Variants in CHD3 observed in about 807,000 individuals in gnomAD.
CHD3 encodes the protein chromodomain helicase DNA binding protein 3.
A neutral mutation model predicts 248.9 loss-of-function variants in CHD3; 52 were observed. The observed-to-expected ratio is 0.21, with a 90% CI of 0.17 to 0.26. CHD3 has a LOEUF of 0.26. Among genes scored for constraint, CHD3 ranks in the 10% least tolerant of loss-of-function variants. The pLI is 1.00. For synonymous variants in CHD3, 985 were observed against 985.2 expected (o/e 1.00, Z 0.00); for missense variants, 1,482 against 2,605.8 (o/e 0.57, Z 9.39).
chr17:7,910,534 C>T lies in CHD3; in HGVS notation c.5697C>T (p.Ser1899=). 1.2e-6 allele frequency: 2 copies of T among 1,613,422 alleles called. No individual in the cohort carries two copies. Among genetic ancestry groups the T allele is most frequent in the Non-Finnish European group, 1.7e-6 (2 of 1,180,028 alleles). ...IPPIAARLQM[S]ERSILSRLAS... ...CCATCGCAGCCCGCCTTCAGATGTCCGAGCGCAGCATCCTCAGCCGGCTGG... is the reference window on the plus strand; with the variant it reads ...CCATCGCAGCCCGCCTTCAGATGTCTGAGCGCAGCATCCTCAGCCGGCTGG... The change falls in exon 38 of 40, where the codon TCC becomes TCT. Residue 1899 remains serine, a synonymous_variant. Transcript: ENST00000330494. The surrounding 1 kb of genome is among the most constrained non-coding windows in gnomAD (Gnocchi z 4.7).
Position 7,909,479 on chromosome 17 carries a change from C to T in CHD3, c.5590+141C>T, listed in dbSNP as rs888734019. The stretch of plus-strand genomic sequence containing the variant: ...CTCTGACCTCTAACCCCACTCCTAC[C>T]GACCTGGCACCCCCTTGGATTTTAG... On this transcript the variant is annotated intron_variant, in intron 37 of 39. Transcript: ENST00000330494. The surrounding 1 kb of genome is among the most constrained non-coding windows in gnomAD (Gnocchi z 8.1). The T allele has an allele frequency of 5.7e-6, 7 of 1,218,188 alleles. No homozygotes were observed. Among genetic ancestry groups the T allele is most frequent in the African/African-American group, 3.1e-5 (2 of 64,428 alleles). The allele number at this position is 1,218,188 out of a possible 1,614,324, so 75.5% of individuals were successfully genotyped here.
At chr17:7,890,850 G>C (rs1290463962) in intron 3 of CHD3, 90 bp from the exon 4 acceptor site, 1 of 1,591,020 alleles carries the variant, frequency 6.3e-7, no homozygotes, top group East Asian at 2.2e-5. Context: ...AGAAAGCCCA[G>C]GGAAGCTAGT....
In CHD3 at chr17:7,908,060, C is replaced by A; in HGVS notation, c.5152+41C>A. On this transcript the variant is annotated intron_variant, in intron 34 of 39. Transcript: ENST00000330494. The surrounding 1 kb of genome is among the most constrained non-coding windows in gnomAD (Gnocchi z 5.8). The stretch of plus-strand genomic sequence containing the variant: ...GCTGCTTTCTGCTCCTCAAGGGGAT[C>A]TGCTCATCCTCATGGGGTTTCTCGT... 1 of 1,553,742 alleles carries A rather than the reference C, an allele frequency of 6.4e-7. No individual in the cohort carries two copies. The highest frequency in any genetic ancestry group is 8.7e-7 in the Non-Finnish European group (1 of 1,146,906).
rs943772347 is a variant in CHD3, at chr17:7,890,442, G to A, written c.214-129G>A. ...AGACTCCATCTCCAAAAAAAAAAAG[G>A]AGATAAAAAATTAGTTACTATCACA... On this transcript the variant is annotated intron_variant, in intron 2 of 39. Transcript: ENST00000330494. 1.2e-5 allele frequency: 8 copies of A among 676,072 alleles called. No homozygotes were observed. In the Admixed American group the frequency reaches 2.4e-4, roughly 21 times the overall value. The allele number at this position is 676,072 out of a possible 1,614,324, so 41.9% of individuals were successfully genotyped here. A position where few individuals can be genotyped will look rare whatever the true frequency, so the allele number is the denominator to read the frequency against.
upstream of CHD3, chr17:7,885,046 GCCA>G: frequency 2.9e-6 from 3 of 1,049,086 alleles, no homozygotes; most frequent in Non-Finnish European, 3.4e-6. Flanking sequence ...CGCCGCCGCC[GCCA>G]CCGCTGCCCC....
At position 7,903,439 on chromosome 17, in the gene CHD3, C is replaced by G. The variant is rs1471307708; in HGVS notation, c.3663C>G (p.Ser1221=). ...TGGGCTCCAAGGCAGGCTCCATGTC[C>G]AAGCAGGAGCTTGACGACATTCTCA... ...PGLGSKAGSM[S]KQELDDILKF... is the part of the protein sequence containing the mutation. Residue 1221 remains serine, a synonymous_variant, in exon 23 of 40, where the codon TCC becomes TCG. Transcript: ENST00000330494. This position sits in a 1 kb window ranked among gnomAD's most constrained non-coding sequence, Gnocchi z 6.8. The G allele has an allele frequency of 6.2e-7, 1 of 1,614,190 alleles. No homozygotes were observed. The highest frequency in any genetic ancestry group is 1.1e-5 in the South Asian group (1 of 91,080).
upstream of CHD3, among the ~76,000 whole-genome samples, chr17:7,887,922 C>T (rs147683463): frequency 2.1e-3 from 317 of 152,362 alleles, 1 homozygote; most frequent in Non-Finnish European, 4.2e-3. Flanking sequence ...CCACCGACGC[C>T]TGCCCAAGTT....
In CHD3 at chr17:7,903,365, G is replaced by A; in HGVS notation, c.3589G>A (p.Val1197Met). 1 of 1,614,186 alleles carries A rather than the reference G, an allele frequency of 6.2e-7. No individual in the cohort carries two copies. Among genetic ancestry groups the A allele is most frequent in the Non-Finnish European group, 8.5e-7 (1 of 1,180,036 alleles). The change falls in exon 23 of 40, where the codon GTG (valine) becomes ATG (methionine). Residue 1197 changes from valine (V) to methionine (M), a missense_variant. Physicochemically the swap from Val to Met is conservative, Grantham distance 21. Transcript: ENST00000330494. The surrounding 1 kb of genome is among the most constrained non-coding windows in gnomAD (Gnocchi z 6.8). ...RASVEERITQ[V>M]AKRKMMLTHL... is the part of the protein sequence containing the mutation. ...GTCAGTGGAAGAGCGAATCACACAA[G>A]TGGCCAAGAGAAAGATGATGCTGAC...
Position 7,910,215 on chromosome 17 carries a change from C to G in CHD3, c.5591-213C>G. On this transcript the variant is annotated intron_variant, in intron 37 of 39. Transcript: ENST00000330494. The surrounding 1 kb of genome is among the most constrained non-coding windows in gnomAD (Gnocchi z 4.7). ...CTGTGGTAATCTGGTCTCTCTGTCT[C>G]TTTTCCTGACACTTTTTCTTTTCCC... is the stretch of plus-strand genomic sequence containing the variant. 1.7e-6 allele frequency: 1 copy of G among 602,220 alleles called. No individual in the cohort carries two copies. Among genetic ancestry groups the G allele is most frequent in the Non-Finnish European group, 2.9e-6 (1 of 341,174 alleles). The allele number at this position is 602,220 out of a possible 1,614,324, so 37.3% of individuals were successfully genotyped here.
rs1971751560 is a variant in CHD3 at position 7,912,271 on chromosome 17, A to G, written c.*686A>G. The G allele has an allele frequency of 1.3e-5, 2 of 159,262 alleles. No homozygotes were observed. Among genetic ancestry groups the G allele is most frequent in the South Asian group, 3.7e-4 (2 of 5,446 alleles). The allele number at this position is 159,262 out of a possible 1,614,324, so 9.9% of individuals were successfully genotyped here. ...TCCCTAGGGACCAAGGACCACCCCT[A>G]CAAAAAGAGTAATGGTTGGGTGATA... On this transcript the variant is annotated 3_prime_UTR_variant, in exon 40 of 40. Coordinates refer to ENST00000330494, the MANE Select transcript of CHD3 (RefSeq NM_001005273.3).
chr17:7,895,443 C>G lies in CHD3; in HGVS notation c.1608C>G (p.Val536=), dbSNP rs776230186. ...APQQADGNPD[V]PPPRPLQGRS... The stretch of plus-strand genomic sequence containing the variant: ...AACAGGCAGATGGAAATCCAGATGT[C>G]CCACCCCCCCGTCCTCTTCAAGGCA... The change falls in exon 10 of 40, where the codon GTC becomes GTG. Residue 536 remains valine (V), a synonymous_variant. Transcript: ENST00000330494. The surrounding 1 kb of genome is among the most constrained non-coding windows in gnomAD (Gnocchi z 4.9). 2 of 1,613,980 alleles carry G rather than the reference C, an allele frequency of 1.2e-6. No homozygotes were observed. Among genetic ancestry groups the G allele is most frequent in the Non-Finnish European group, 1.7e-6 (2 of 1,180,022 alleles).
In CHD3 at chr17:7,903,010, T is replaced by C. The variant is rs578071288; in HGVS notation, c.3444T>C (p.Ala1148=). 1 of 1,614,152 alleles carries C rather than the reference T, an allele frequency of 6.2e-7. No individual in the cohort carries two copies. Among genetic ancestry groups the C allele is most frequent in the African/African-American group, 1.3e-5 (1 of 75,022 alleles). Residue 1148 remains alanine, a synonymous_variant, in exon 22 of 40, where the codon GCT becomes GCC. Transcript: ENST00000330494. The surrounding 1 kb of genome is among the most constrained non-coding windows in gnomAD (Gnocchi z 6.8). ...GCCTGGGCATCAATCTGGCCACTGC[T>C]GACACTGTCATCATCTTTGATTCTG... is the stretch of plus-strand genomic sequence containing the variant. ...AGGLGINLAT[A]DTVIIFDSDW...
Position 7,900,118 on chromosome 17 carries a change from G to A in CHD3, c.2682+85G>A. On this transcript the variant is annotated intron_variant, in intron 16 of 39. Coordinates refer to ENST00000330494, the MANE Select transcript of CHD3 (RefSeq NM_001005273.3). The surrounding 1 kb of genome is among the most constrained non-coding windows in gnomAD (Gnocchi z 6.5). ...CCTAAAAAACAACAAAAATTCTGGGGATTTTCTGTAGTCTGGGAGGACGTC... is the reference window on the plus strand; with the variant it reads ...CCTAAAAAACAACAAAAATTCTGGGAATTTTCTGTAGTCTGGGAGGACGTC... The A allele has an allele frequency of 1.3e-6, 2 of 1,533,468 alleles. No homozygotes were observed. Among genetic ancestry groups the A allele is most frequent in the Non-Finnish European group, 1.8e-6 (2 of 1,136,268 alleles). 95.0% of individuals were successfully genotyped at this position (1,533,468 alleles called of 1,614,324 possible).
chr17:7,885,003 G>T, upstream of CHD3: 1 of 1,240,134 alleles, frequency 8.1e-7, no homozygotes. Context: ...GACCGCCACA[G>T]CCCCCCCGGC....
At position 7,896,229 on chromosome 17, in the gene CHD3, A is replaced by C. The variant is rs1261549411; in HGVS notation, c.1707+687A>C. The stretch of plus-strand genomic sequence containing the variant: ...GGCGACAGAGCGACACTCTATCTCA[A>C]AAAAAAAAAAAAAAAAAAAAAAATT... On this transcript the variant is annotated intron_variant, in intron 10 of 39. Transcript: ENST00000330494. Among the ~76,000 whole-genome samples the C allele has an allele frequency of 8.2e-3, 1,070 of 130,248 alleles. 6 individuals carry two copies. The highest frequency in any genetic ancestry group is 0.029 in the African/African-American group (959 of 32,714). 85.4% of individuals were successfully genotyped at this position (130,248 alleles called of 152,430 possible).
At chr17:7,894,763 A>G in intron 8 of CHD3, 154 bp from the exon 9 acceptor site, 1 of 1,374,826 alleles carries the variant, frequency 7.3e-7, no homozygotes, top group East Asian at 2.3e-5. Context: ...TTTCTCCCAC[A>G]ATCAACATTT....
intron 6 of CHD3, 71 bp from the exon 7 acceptor site, chr17:7,894,044 C>G: frequency 6.3e-7 from 1 of 1,591,336 alleles, no homozygotes; most frequent in Non-Finnish European, 8.6e-7. Flanking sequence ...GATGGCGGAA[C>G]AGGAAGCCAA....
In CHD3 at chr17:7,911,800, G is replaced by C. The variant is rs2151697463; in HGVS notation, c.*215G>C. The C allele has an allele frequency of 2.8e-6, 4 of 1,423,070 alleles. No individual in the cohort carries two copies. Among genetic ancestry groups the C allele is most frequent in the African/African-American group, 1.4e-5 (1 of 69,382 alleles). The allele number at this position is 1,423,070 out of a possible 1,614,324, so 88.2% of individuals were successfully genotyped here. ...CCTTTCCCACCAAGCCTTGAAGACT[G>C]TGCTGGTGAGAAGAAGTCTGGGTGG... On this transcript the variant is annotated 3_prime_UTR_variant, in exon 40 of 40. Coordinates refer to ENST00000330494, the MANE Select transcript of CHD3 (RefSeq NM_001005273.3). This position sits in a 1 kb window ranked among gnomAD's most constrained non-coding sequence, Gnocchi z 5.4.
rs1970953575 is a variant in CHD3 at position 7,906,371 on chromosome 17, G to A, written c.4359-182G>A. The A allele has an allele frequency of 1.7e-5, 12 of 691,582 alleles. 1 individual carries two copies. Among genetic ancestry groups the A allele is most frequent in the South Asian group, 5.1e-5 (3 of 58,450 alleles). 42.8% of individuals were successfully genotyped at this position (691,582 alleles called of 1,614,324 possible). A position where few individuals can be genotyped will look rare whatever the true frequency, so the allele number is the denominator to read the frequency against. On this transcript the variant is annotated intron_variant, in intron 28 of 39. Coordinates refer to ENST00000330494, the MANE Select transcript of CHD3 (RefSeq NM_001005273.3). This position sits in a 1 kb window ranked among gnomAD's most constrained non-coding sequence, Gnocchi z 5.0. ...AAAGGGAAAGACCCAGGGGTGGGGCGCAGGGGGACAGTTAGGACTTGGAGG... is the reference window on the plus strand; with the variant it reads ...AAAGGGAAAGACCCAGGGGTGGGGCACAGGGGGACAGTTAGGACTTGGAGG...
Sources: allele counts gnomAD v4.1 joint callset (sites outside exome capture counted in the v4.1 genomes callset), GRCh38; gene constraint gnomAD v4.1.1; non-coding constraint Gnocchi (gnomAD v3.1); transcripts MANE v1.5; gene names NCBI Gene and HGNC (gene_info 2026-07-23, HGNC 2026-07-21).